The following CTNNA2 variants were observed in gnomAD, a reference collection of about 807,000 sequenced individuals.
CTNNA2 encodes the protein catenin alpha-2.
Under a neutral mutation model 101.0 loss-of-function variants are expected in CTNNA2, and 42 were observed. That is an observed-to-expected ratio of 0.42 (90% confidence interval 0.32 to 0.54). CTNNA2 has a LOEUF of 0.54. Among genes scored for constraint, CTNNA2 ranks in the 20% least tolerant of loss-of-function variants. CTNNA2 has a pLI of 0.14. For synonymous variants in CTNNA2, 450 were observed against 456.4 expected, an observed-to-expected ratio of 0.99 and a Z score of 0.18; for missense variants, 871 against 1,223.1, an observed-to-expected ratio of 0.71 and a Z score of 4.29.
chr2:80,448,978 G>A (rs1316409656), intron 9 of CTNNA2, among the ~76,000 whole-genome samples: 3 of 152,152 alleles, frequency 2.0e-5, no homozygotes, highest in Admixed American at 2.0e-4. Context: ...TACCTGTAGA[G>A]CTGATGCTAG....
intron 7 of CTNNA2, among the ~76,000 whole-genome samples, chr2:79,911,594 C>A (rs1162342631): frequency 6.6e-6 from 1 of 152,166 alleles, no homozygotes; most frequent in Non-Finnish European, 1.5e-5. Context: ...TGACTCCAGG[C>A]ACTTTTTGTT....
intron 7 of CTNNA2, among the ~76,000 whole-genome samples, chr2:80,263,766 T>A (rs1672792760): frequency 6.6e-6 from 1 of 152,210 alleles, no homozygotes; most frequent in Admixed American, 6.5e-5. Context: ...ATCATAGAAG[T>A]TTCTACTAGC....
At chr2:80,058,228 A>G (rs1446892604) in intron 7 of CTNNA2, among the ~76,000 whole-genome samples, 1 of 152,206 alleles carries the variant, frequency 6.6e-6, no homozygotes, top group Non-Finnish European at 1.5e-5. Flanking sequence ...TGAGGGAAGA[A>G]TACTTAGGGA....
chr2:80,398,075 A>G (rs1446562857), intron 8 of CTNNA2, among the ~76,000 whole-genome samples: 1 of 152,204 alleles, frequency 6.6e-6, no homozygotes, highest in Non-Finnish European at 1.5e-5. Context: ...TGTTTGTGAT[A>G]TATCATCTCT....
chr2:79,797,428 A>G (rs1398363759), intron 3 of CTNNA2, among the ~76,000 whole-genome samples: 4 of 152,116 alleles, frequency 2.6e-5, no homozygotes, highest in Non-Finnish European at 5.9e-5. Flanking sequence ...TGGGAGGCCA[A>G]GGCGGGTGGA....
chr2:79,701,466 C>A (rs938174392), intron 2 of CTNNA2, among the ~76,000 whole-genome samples: 2 of 152,142 alleles, frequency 1.3e-5, no homozygotes, highest in African/African-American at 4.8e-5. Flanking sequence ...CACCTTTAGT[C>A]ATGCATTCAA....
intron 1 of CTNNA2, among the ~76,000 whole-genome samples, chr2:79,632,889 A>G (rs1021267529): frequency 5.3e-5 from 8 of 152,196 alleles, no homozygotes; most frequent in Non-Finnish European, 1.0e-4. Context: ...CTCTGTCTCA[A>G]TTACTCAACT....
At chr2:79,828,687 C>G (rs914276951) in intron 3 of CTNNA2, among the ~76,000 whole-genome samples, 1 of 152,192 alleles carries the variant, frequency 6.6e-6, no homozygotes, top group Admixed American at 6.5e-5. Context: ...TGAATTGAAA[C>G]ACTGAGAGAA....
At chr2:79,278,875 G>A (rs1432940527) in intron 2 of CTNNA2, among the ~76,000 whole-genome samples, 1 of 152,106 alleles carries the variant, frequency 6.6e-6, no homozygotes, top group Non-Finnish European at 1.5e-5. Flanking sequence ...TAGGACTACA[G>A]TATGGCATAG....
chr2:80,426,676 C>G (rs1317190044), intron 9 of CTNNA2, among the ~76,000 whole-genome samples: 1 of 152,098 alleles, frequency 6.6e-6, no homozygotes, highest in African/African-American at 2.4e-5. Flanking sequence ...TGTAAAGAAG[C>G]TTACGTGGCT....
At chr2:79,621,796 T>A (rs954131700) in intron 1 of CTNNA2, among the ~76,000 whole-genome samples, 9 of 152,150 alleles carry the variant, frequency 5.9e-5, no homozygotes, top group Non-Finnish European at 1.3e-4. Context: ...ACACCAGTAG[T>A]GATGAACCAT....
At chr2:79,889,199 C>T (rs12986588) in intron 6 of CTNNA2, among the ~76,000 whole-genome samples, 7,838 of 152,196 alleles carry the variant, frequency 0.051, 268 homozygotes, top group African/African-American at 0.079. Context: ...CACACACACA[C>T]GTGCAACAAC....
At chr2:79,424,546 A>T (rs149228166) in intron 4 of CTNNA2, among the ~76,000 whole-genome samples, 1 of 152,118 alleles carries the variant, frequency 6.6e-6, no homozygotes, top group Non-Finnish European at 1.5e-5. Flanking sequence ...TTATACCTCT[A>T]TACTATTTGT....
At chr2:79,187,270 C>CTTTTCTTTTCTTTT (rs1242631840) in intron 1 of CTNNA2, among the ~76,000 whole-genome samples, 2 of 65,468 alleles carry the variant, frequency 3.1e-5, no homozygotes, top group African/African-American at 1.4e-4. Context: ...CTTTTCTTTT[C>CTTTTCTTTTCTTTT]TTTTTTTTTT....
chr2:79,705,314 G>A (rs1038705778), intron 2 of CTNNA2, among the ~76,000 whole-genome samples: 2 of 152,152 alleles, frequency 1.3e-5, no homozygotes, highest in South Asian at 2.1e-4. Flanking sequence ...AAGAGAGAGC[G>A]AGAAAGAGAG....
At chr2:79,403,632 A>C (rs1678311843) in intron 4 of CTNNA2, among the ~76,000 whole-genome samples, 1 of 152,002 alleles carries the variant, frequency 6.6e-6, no homozygotes, top group South Asian at 2.1e-4. Context: ...ATAAATAAAC[A>C]TGTCATAGGA....
intron 16 of CTNNA2, among the ~76,000 whole-genome samples, chr2:80,606,414 C>CACACACACACACA (rs1558638318): frequency 3.9e-5 from 2 of 51,614 alleles, no homozygotes; most frequent in South Asian, 3.4e-4. Flanking sequence ...ACACACACAC[C>CACACACACACACA]CCCCAGGATA....
intron 7 of CTNNA2, among the ~76,000 whole-genome samples, chr2:80,113,206 TTA>T (rs1701323419): frequency 1.3e-5 from 2 of 151,136 alleles, no homozygotes; most frequent in South Asian, 4.1e-4. Flanking sequence ...GGCTTTTGGG[TTA>T]TACATATAAT....
At chr2:79,572,305 G>A (rs1675508700) in intron 1 of CTNNA2, among the ~76,000 whole-genome samples, 1 of 152,090 alleles carries the variant, frequency 6.6e-6, no homozygotes, top group Non-Finnish European at 1.5e-5. Context: ...CTGAACTTCT[G>A]TATTTGATTA....
Sources: allele counts gnomAD v4.1 joint callset (sites outside exome capture counted in the v4.1 genomes callset), GRCh38; gene constraint gnomAD v4.1.1; transcripts MANE v1.5; gene names NCBI Gene and HGNC (gene_info 2026-07-23, HGNC 2026-07-21).